PCDHA11: variants seen among roughly 807,000 people sequenced by gnomAD.
PCDHA11 encodes protocadherin alpha-11.
Under a neutral mutation model 70.3 loss-of-function variants are expected in PCDHA11, and 61 were observed. The observed-to-expected ratio is 0.87, with a 90% CI of 0.71 to 1.07. The LOEUF is 1.07. Among genes scored for constraint, PCDHA11 ranks in the 50% least tolerant of loss-of-function variants. PCDHA11 has a pLI of 0.00. For missense variants in PCDHA11, 1,324 were observed against 1,237.5 expected (o/e 1.07, Z -1.05); for synonymous variants, 633 against 555.1 (o/e 1.14, Z -1.97).
At chr5:140,931,460 G>GA (rs3836748) in intron 1 of PCDHA11, among the ~76,000 whole-genome samples, 48,962 of 151,596 alleles carry the variant, frequency 0.32, 8,170 homozygotes, top group East Asian at 0.53. Flanking sequence ...AAAAATATAG[G>GA]AATGACAGAG....
chr5:140,984,258 CA>C (rs1563514144), intron 3 of PCDHA11, among the ~76,000 whole-genome samples: 1 of 152,262 alleles, frequency 6.6e-6, no homozygotes, highest in East Asian at 1.9e-4. Context: ...TGGTAAGCCA[CA>C]AACTAACTTT....
At chr5:140,927,729 G>C (rs2084563367) in intron 1 of PCDHA11, 1 of 1,614,098 alleles carries the variant, frequency 6.2e-7, no homozygotes, top group South Asian at 1.1e-5. Context: ...CGCAAGCAGA[G>C]CTGCGACACC....
chr5:140,971,692 C>T (rs2096492766), intron 1 of PCDHA11, among the ~76,000 whole-genome samples: 1 of 152,116 alleles, frequency 6.6e-6, no homozygotes, highest in South Asian at 2.1e-4. Context: ...TTTGTACTCA[C>T]TAACCACCCT....
At chr5:140,915,841 G>A (rs1315300132) in intron 1 of PCDHA11, among the ~76,000 whole-genome samples, 1 of 152,098 alleles carries the variant, frequency 6.6e-6, no homozygotes, top group African/African-American at 2.4e-5. Context: ...GATCAGCAGG[G>A]GGTGACACCA....
In PCDHA11 at chr5:140,982,572, C is replaced by T; in HGVS notation, c.2539+9C>T. On this transcript the variant is annotated intron_variant, in intron 3 of 3. Coordinates refer to ENST00000398640, the MANE Select transcript of PCDHA11 (RefSeq NM_018902.5). ...ATCCAGTGCAACACCAGGTAAAGAG[C>T]TGGGGTCTCTCCATTCTTTCTTGGT... is the stretch of plus-strand genomic sequence containing the variant. 4 of 1,613,760 alleles carry T rather than the reference C, an allele frequency of 2.5e-6. No homozygotes were observed. Among genetic ancestry groups the T allele is most frequent in the Non-Finnish European group, 3.4e-6 (4 of 1,179,726 alleles).
At chr5:140,876,754 C>A in intron 1 of PCDHA11, 1 of 1,614,212 alleles carries the variant, frequency 6.2e-7, no homozygotes, top group Non-Finnish European at 8.5e-7. Context: ...GGTGACTGCG[C>A]GGGATGGGGG....
At chr5:141,004,100 ATCT>A (rs1241437793) in intron 3 of PCDHA11, among the ~76,000 whole-genome samples, 4 of 152,204 alleles carry the variant, frequency 2.6e-5, no homozygotes, top group Non-Finnish European at 5.9e-5. Context: ...TTCCGTTTTC[ATCT>A]TCTTCAAAAG....
intron 1 of PCDHA11, chr5:140,883,880 C>G: frequency 1.2e-6 from 2 of 1,613,304 alleles, no homozygotes; most frequent in Non-Finnish European, 1.7e-6. Context: ...GGTGAGCGCG[C>G]GCGACTCTGG....
At chr5:140,950,168 T>C (rs2094454639) in intron 1 of PCDHA11, among the ~76,000 whole-genome samples, 1 of 151,996 alleles carries the variant, frequency 6.6e-6, no homozygotes, top group Non-Finnish European at 1.5e-5. Context: ...TTATGTACTT[T>C]AGAGAATTAA....
rs543030376 is a variant in PCDHA11, at chr5:140,961,758, G to A, written c.2392-17191G>A. 3.3e-5 allele frequency among the ~76,000 whole-genome samples: 5 copies of A among 152,240 alleles called. No individual in the cohort carries two copies. In the South Asian group the frequency reaches 8.3e-4, roughly 25 times the overall value. On this transcript the variant is annotated intron_variant, in intron 1 of 3. Coordinates refer to ENST00000398640, the MANE Select transcript of PCDHA11 (RefSeq NM_018902.5). ...CTTTAGTAATATTACAGTTTTGAAG[G>A]AATTTATATCAAGCTTAATGGCACT...
At chr5:141,008,425 A>G (rs1195605563) in intron 3 of PCDHA11, among the ~76,000 whole-genome samples, 2 of 152,172 alleles carry the variant, frequency 1.3e-5, no homozygotes, top group East Asian at 1.9e-4. Context: ...CACTGGGATC[A>G]CTTTGCCCAG....
chr5:140,973,450 T>C (rs1326852534), intron 1 of PCDHA11, among the ~76,000 whole-genome samples: 1 of 152,250 alleles, frequency 6.6e-6, no homozygotes, highest in Non-Finnish European at 1.5e-5. Context: ...TTATAATGAC[T>C]GGGGCTGTTT....
intron 1 of PCDHA11, among the ~76,000 whole-genome samples, chr5:140,906,844 G>C (rs1295549477): frequency 6.6e-6 from 1 of 152,192 alleles, no homozygotes; most frequent in Non-Finnish European, 1.5e-5. Context: ...TTCATCTTGA[G>C]AGTCTGGGTC....
rs1005130215 is a variant in PCDHA11 at position 140,976,643 on chromosome 5, A to G, written c.2392-2306A>G. On this transcript the variant is annotated intron_variant, in intron 1 of 3. Coordinates refer to ENST00000398640, the MANE Select transcript of PCDHA11 (RefSeq NM_018902.5). ...AGCTGAACTCAGCAATCAGACAAGT[A>G]ATTTAATCTCTCCAAAGTTCAGATG... Among the ~76,000 whole-genome samples the G allele has an allele frequency of 2.0e-5, 3 of 152,236 alleles. No homozygotes were observed. In the South Asian group the frequency reaches 6.2e-4, roughly 31 times the overall value.
intron 1 of PCDHA11, chr5:140,876,869 A>G: frequency 1.9e-6 from 3 of 1,614,030 alleles, no homozygotes; most frequent in Non-Finnish European, 2.5e-6. Flanking sequence ...TTCGTGAAGG[A>G]GAACAACCCG....
chr5:140,972,130 TTAC>T (rs1424151392), intron 1 of PCDHA11, among the ~76,000 whole-genome samples: 1 of 152,022 alleles, frequency 6.6e-6, no homozygotes, highest in Non-Finnish European at 1.5e-5. Flanking sequence ...TATCAGTGAG[TTAC>T]TACTATTTTT....
At chr5:140,927,524 C>T in intron 1 of PCDHA11, 3 of 1,614,104 alleles carry the variant, frequency 1.9e-6, no homozygotes, top group Non-Finnish European at 2.5e-6. Flanking sequence ...GGCGGGCTAC[C>T]TGCCCGCTCA....
rs1181573683 is a variant in PCDHA11, at chr5:140,869,882, T to C, written c.779T>C (p.Leu260Pro). The change falls in exon 1 of 4, where the codon CTT becomes CCT. Residue 260 changes from leucine to proline, a missense_variant. Transcript: ENST00000398640. ...SLMENAAKET[L>P]VLKLNATDRD... ...ATGGAAAATGCTGCTAAAGAAACTC[T>C]TGTGCTCAAACTAAACGCCACAGAC... 6.2e-7 allele frequency: 1 copy of C among 1,610,250 alleles called. No homozygotes were observed. Among genetic ancestry groups the C allele is most frequent in the African/African-American group, 1.3e-5 (1 of 74,836 alleles).
At chr5:140,891,424 G>A (rs932574419) in intron 1 of PCDHA11, among the ~76,000 whole-genome samples, 1 of 146,144 alleles carries the variant, frequency 6.8e-6, no homozygotes, top group Non-Finnish European at 1.5e-5. Context: ...TTGCCCCCAA[G>A]TCCCCAACGT....
Sources: allele counts gnomAD v4.1 joint callset (sites outside exome capture counted in the v4.1 genomes callset), GRCh38; gene constraint gnomAD v4.1.1; transcripts MANE v1.5; gene names NCBI Gene and HGNC (gene_info 2026-07-23, HGNC 2026-07-21).